ZCCHC24: variants seen among roughly 807,000 people sequenced by gnomAD.
ZCCHC24 encodes the protein zinc finger CCHC-type containing 24.
ZCCHC24 carries 10 observed loss-of-function variants against 26.2 expected under a neutral mutation model. The observed-to-expected ratio is 0.38, with a 90% CI of 0.24 to 0.65. The LOEUF (loss-of-function observed/expected upper bound fraction) is 0.65. ZCCHC24 is among the 30% of genes least tolerant of loss of function. The pLI is 0.54. For synonymous variants in ZCCHC24, 144 were observed against 147.1 expected (o/e 0.98, Z 0.15); for missense variants, 243 against 329.1 (o/e 0.74, Z 2.03).
At position 79,394,832 on chromosome 10, in the gene ZCCHC24, G is replaced by A. The variant is rs567326555; in HGVS notation, c.448-392C>T. Among the ~76,000 whole-genome samples, 3 of 152,318 alleles carry A rather than the reference G, an allele frequency of 2.0e-5. No homozygotes were observed. The East Asian group carries it at 5.8e-4, about 29-fold the overall frequency. The stretch of plus-strand genomic sequence containing the variant: ...GTGTGCTTTAAAGGGTCATTGAAGA[G>A]GCAATACAAGCACGGAAACTGGTGG... On this transcript the variant is annotated intron_variant, in intron 2 of 3. Coordinates refer to ENST00000372336, the MANE Select transcript of ZCCHC24 (RefSeq NM_153367.4).
intron 1 of ZCCHC24, among the ~76,000 whole-genome samples, chr10:79,440,101 C>A (rs1857271776): frequency 6.8e-6 from 1 of 147,382 alleles, no homozygotes; most frequent in Non-Finnish European, 1.5e-5. Context: ...ATGCCACCAC[C>A]ACCACCACGA....
In ZCCHC24 at chr10:79,394,315, C is replaced by G. The variant is rs777509056; in HGVS notation, c.573G>C (p.Glu191Asp). ...SGNSWANMGQECIKCHINVYP... is the reference protein window; with the variant it reads ...SGNSWANMGQDCIKCHINVYP... ...ACACGTTGATGTGGCACTTGATGCA[C>G]TCCTGCCCCATGTTGGCCCAGGAGT... The change falls in exon 3 of 4, where the codon GAG (glutamate) becomes GAC (aspartate). Residue 191 changes from glutamate to aspartate, a missense_variant. Glu to Asp is a conservative substitution (Grantham distance 45). Transcript: ENST00000372336. 1 of 1,614,108 alleles carries G rather than the reference C, an allele frequency of 6.2e-7. No homozygotes were observed. The highest frequency in any genetic ancestry group is 1.1e-5 in the South Asian group (1 of 91,092).
chr10:79,421,586 G>A (rs1189221018), intron 2 of ZCCHC24, among the ~76,000 whole-genome samples: 1 of 151,966 alleles, frequency 6.6e-6, no homozygotes, highest in Admixed American at 6.6e-5. Context: ...TGTCTGTGGT[G>A]TTACCTTTCT....
intron 2 of ZCCHC24, among the ~76,000 whole-genome samples, chr10:79,430,686 C>CACACACACACACACACACA: frequency 7.1e-6 from 1 of 140,696 alleles, no homozygotes; most frequent in South Asian, 2.4e-4. Flanking sequence ...CACACACACA[C>CACACACACACACACACACA]CACACACACA....
rs75358995 is a variant in ZCCHC24 at position 79,425,449 on chromosome 10, T to G, written c.447+7109A>C. On this transcript the variant is annotated intron_variant, in intron 2 of 3. Transcript: ENST00000372336. ...CCTCTGCCCACATTGTCCTTGACCC[T>G]CTCTACTTCCAGTCATCTATCTTTT... Among the ~76,000 whole-genome samples, 39 of 152,344 alleles carry G rather than the reference T, an allele frequency of 2.6e-4. No individual in the cohort carries two copies. In the East Asian group the frequency reaches 7.5e-3, roughly 29 times the overall value.
intron 2 of ZCCHC24, among the ~76,000 whole-genome samples, chr10:79,404,468 T>C (rs1477165128): frequency 6.6e-6 from 1 of 152,122 alleles, no homozygotes; most frequent in East Asian, 1.9e-4. Flanking sequence ...ATCACAGGGA[T>C]TGCAAAAGAC....
chr10:79,427,180 A>G (rs968740022), intron 2 of ZCCHC24, among the ~76,000 whole-genome samples: 2 of 152,196 alleles, frequency 1.3e-5, no homozygotes, highest in Admixed American at 1.3e-4. Flanking sequence ...ATAATAGAAC[A>G]CTCAAATGAA....
chr10:79,418,310 G>A (rs1856891946), intron 2 of ZCCHC24, among the ~76,000 whole-genome samples: 1 of 152,198 alleles, frequency 6.6e-6, no homozygotes, highest in Non-Finnish European at 1.5e-5. Context: ...ATGGGGGTGT[G>A]GGGGCCCAAG....
chr10:79,382,533 G>A lies in ZCCHC24; in HGVS notation c.*3812C>T, dbSNP rs1856335151. Reference sequence around the variant, plus strand: ...TTAGCTGGACTCACACGTATGGACAGACACAGACACGGACGGGGTCACCGC... The same window carrying A: ...TTAGCTGGACTCACACGTATGGACAAACACAGACACGGACGGGGTCACCGC... On this transcript the variant is annotated 3_prime_UTR_variant, in exon 4 of 4. Transcript: ENST00000372336. 1 of 152,894 alleles carries A rather than the reference G, an allele frequency of 6.5e-6. No homozygotes were observed. The highest frequency in any genetic ancestry group is 6.5e-5 in the Admixed American group (1 of 15,284). 9.5% of individuals were successfully genotyped at this position (152,894 alleles called of 1,614,324 possible). A position where few individuals can be genotyped will look rare whatever the true frequency, so the allele number is the denominator to read the frequency against.
At chr10:79,428,492 A>ATTTCAGTTTTGCAAGAT (rs112047064) in intron 2 of ZCCHC24, among the ~76,000 whole-genome samples, 90 of 133,742 alleles carry the variant, frequency 6.7e-4, no homozygotes, top group East Asian at 1.4e-3. Context: ...TGCAAGATAA[A>ATTTCAGTTTTGCAAGAT]AAGAGCTCTG....
At chr10:79,406,729 G>A (rs1026264923) in intron 2 of ZCCHC24, among the ~76,000 whole-genome samples, 2 of 152,206 alleles carry the variant, frequency 1.3e-5, no homozygotes, top group African/African-American at 4.8e-5. Flanking sequence ...ATTTGCCTGA[G>A]GTCACACAGG....
intron 2 of ZCCHC24, among the ~76,000 whole-genome samples, chr10:79,427,855 G>A (rs751958035): frequency 3.9e-5 from 6 of 152,028 alleles, no homozygotes; most frequent in Admixed American, 1.3e-4. Context: ...CTCCAGCCTC[G>A]GTGACAGAGT....
chr10:79,418,756 G>T (rs1044327870), intron 2 of ZCCHC24, among the ~76,000 whole-genome samples: 4 of 152,188 alleles, frequency 2.6e-5, no homozygotes, highest in African/African-American at 9.6e-5. Context: ...ATGGGGATGG[G>T]GGAAAGATGA....
At chr10:79,435,219 ATTT>A (rs777229608) in intron 1 of ZCCHC24, among the ~76,000 whole-genome samples, 1 of 141,970 alleles carries the variant, frequency 7.0e-6, no homozygotes, top group South Asian at 2.3e-4. Flanking sequence ...TTTTTTTTTT[ATTT>A]TTATTTTTTT....
rs201238336 is a variant in ZCCHC24, at chr10:79,432,707, T to C, written c.298A>G (p.Asn100Asp). The C allele has an allele frequency of 3.8e-5, 61 of 1,609,478 alleles. No homozygotes were observed. The African/African-American group carries it at 6.8e-4, about 18-fold the overall frequency. ...KGASPYGSLN[N>D]IADGLSSLTE... is the part of the protein sequence containing the mutation. ...AGGGAGCTGAGGCCATCGGCGATGT[T>C]GTTGAGGGAGCCATAGGGTGAGGCG... The change falls in exon 2 of 4, where the codon AAC (asparagine) becomes GAC (aspartate). Residue 100 changes from asparagine (N) to aspartate (D), a missense_variant. Transcript: ENST00000372336.
rs1856375453 is a variant in ZCCHC24, at chr10:79,385,433, G to A, written c.*912C>T. ...CTGGAGATGCGAAGTCCTTGCCCAA[G>A]GTGACACAATGCGTCGGCAGCAGGG... On this transcript the variant is annotated 3_prime_UTR_variant, in exon 4 of 4. Transcript: ENST00000372336. The surrounding 1 kb of genome is among the most constrained non-coding windows in gnomAD (Gnocchi z 4.3). The A allele has an allele frequency of 6.6e-6, 1 of 152,244 alleles. No homozygotes were observed. Among genetic ancestry groups the A allele is most frequent in the Non-Finnish European group, 1.5e-5 (1 of 68,050 alleles). 9.4% of individuals were successfully genotyped at this position (152,244 alleles called of 1,614,324 possible).
intron 2 of ZCCHC24, among the ~76,000 whole-genome samples, chr10:79,415,870 C>T (rs991517111): frequency 2.6e-5 from 4 of 152,162 alleles, no homozygotes; most frequent in Non-Finnish European, 5.9e-5. Context: ...CCCTTGTAGG[C>T]TATGGAAAGA....
At position 79,444,362 on chromosome 10, in the gene ZCCHC24, GC is replaced by G; in HGVS notation, c.246+832del. 4 of 1,147,142 alleles carry G rather than the reference GC, an allele frequency of 3.5e-6. No individual in the cohort carries two copies. The South Asian group carries it at 9.0e-5, about 26-fold the overall frequency. The allele number at this position is 1,147,142 out of a possible 1,614,324, so 71.1% of individuals were successfully genotyped here. On this transcript the variant is annotated intron_variant, in intron 1 of 3. Coordinates refer to ENST00000372336, the MANE Select transcript of ZCCHC24 (RefSeq NM_153367.4). Reference sequence around the variant, plus strand: ...GGCGATCTGTGTATTTATCTTGCTGGCAAAGAGGCGCTGCCCAGTCAACTTT... The same window carrying G: ...GGCGATCTGTGTATTTATCTTGCTGGAAAGAGGCGCTGCCCAGTCAACTTT...
At chr10:79,386,975 C>T (rs1049992865) in intron 3 of ZCCHC24, among the ~76,000 whole-genome samples, 2 of 152,292 alleles carry the variant, frequency 1.3e-5, no homozygotes, top group East Asian at 1.9e-4. Flanking sequence ...CAGCATCCGG[C>T]GCCTCTTCCC....
Sources: allele counts gnomAD v4.1 joint callset (sites outside exome capture counted in the v4.1 genomes callset), GRCh38; gene constraint gnomAD v4.1.1; non-coding constraint Gnocchi (gnomAD v3.1); transcripts MANE v1.5; gene names NCBI Gene and HGNC (gene_info 2026-07-23, HGNC 2026-07-21).